Variants in PSME4 observed in about 807,000 individuals in gnomAD.
PSME4 encodes proteasome activator subunit 4, also known as proteasome activator complex subunit 4.
PSME4 carries 89 observed loss-of-function variants against 253.9 expected under a neutral mutation model. The observed-to-expected ratio is 0.35, with a 90% confidence interval of 0.30 to 0.42. The LOEUF is 0.42. Ranked by LOEUF, PSME4 falls within the 10% of genes least tolerant of loss-of-function variation. The probability of loss-of-function intolerance (pLI) is 1.00; values close to 1 mark genes in which losing one functional copy is unlikely to be tolerated. For synonymous variants in PSME4, 851 were observed against 759.2 expected (o/e 1.12, Z -1.99); for missense variants, 2,014 against 2,195.2 (o/e 0.92, Z 1.65).
chr2:53,895,360 C>A (rs1680093577), intron 33 of PSME4, among the ~76,000 whole-genome samples: 1 of 152,120 alleles, frequency 6.6e-6, no homozygotes, highest in African/African-American at 2.4e-5. Flanking sequence ...TTAATAACCT[C>A]CTTAGCCATA....
chr2:53,876,716 CTTTT>C (rs10599430), intron 41 of PSME4, among the ~76,000 whole-genome samples: 127 of 97,832 alleles, frequency 1.3e-3, no homozygotes, highest in Non-Finnish European at 1.9e-3. Context: ...CACTGTCATT[CTTTT>C]TTTTTTTTTT....
Position 53,893,772 on chromosome 2 carries a change from A to C in PSME4, c.3940T>G (p.Ser1314Ala), listed in dbSNP as rs1478182214. ...EAEQIIFDHF[S>A]DPKFVEQLIT... ...AACTGCTCAACAAATTTAGGATCAG[A>C]AAAATGATCAAATATAATCTGTTCT... The change falls in exon 35 of 47, where the codon TCT (serine) becomes GCT (alanine). Residue 1314 changes from serine (S) to alanine (A), a missense_variant. Ser to Ala is a moderately conservative substitution (Grantham distance 99). Coordinates refer to ENST00000404125, the MANE Select transcript of PSME4 (RefSeq NM_014614.3). The C allele has an allele frequency of 2.5e-6, 4 of 1,609,560 alleles. No individual in the cohort carries two copies. The highest frequency in any genetic ancestry group is 3.4e-6 in the Non-Finnish European group (4 of 1,177,804).
chr2:53,942,261 C>T (rs1002413888), intron 3 of PSME4: 6 of 152,424 alleles, frequency 3.9e-5, no homozygotes, highest in African/African-American at 1.4e-4. Flanking sequence ...AGGCTAGATG[C>T]TACTAGACTA....
intron 29 of PSME4, among the ~76,000 whole-genome samples, chr2:53,899,676 G>C (rs574945414): frequency 1.3e-3 from 192 of 151,976 alleles, no homozygotes; most frequent in South Asian, 2.5e-3. Flanking sequence ...AAATTAGCTG[G>C]GTGTGGTGGT....
intron 14 of PSME4, among the ~76,000 whole-genome samples, chr2:53,924,401 T>C (rs1458897339): frequency 6.6e-6 from 1 of 152,214 alleles, no homozygotes; most frequent in African/African-American, 2.4e-5. Flanking sequence ...AAATAAAGTG[T>C]AGTCTTAAAG....
In PSME4 at chr2:53,944,460, G is replaced by T. The variant is rs1042022020; in HGVS notation, c.500+3961C>A. ...CAGGTGTGGGCTACCATGCCCAGCCGAATTTTGTTAAAATTTTAAATTTCC... is the reference window on the plus strand; with the variant it reads ...CAGGTGTGGGCTACCATGCCCAGCCTAATTTTGTTAAAATTTTAAATTTCC... On this transcript the variant is annotated intron_variant, in intron 3 of 46. Transcript: ENST00000404125. 3.3e-5 allele frequency among the ~76,000 whole-genome samples: 5 copies of T among 151,928 alleles called. No homozygotes were observed. The South Asian group carries it at 1.0e-3, about 31-fold the overall frequency.
intron 1 of PSME4, among the ~76,000 whole-genome samples, chr2:53,959,575 G>A (rs968965627): frequency 2.6e-5 from 4 of 152,022 alleles, no homozygotes; most frequent in Non-Finnish European, 5.9e-5. Flanking sequence ...TCTTTCCAAG[G>A]TTTCACCATA....
At chr2:53,873,094 G>T (rs1020090489) in intron 43 of PSME4, among the ~76,000 whole-genome samples, 1 of 151,776 alleles carries the variant, frequency 6.6e-6, no homozygotes, top group African/African-American at 2.4e-5. Context: ...CAAAAAATTA[G>T]CCAGGCATGG....
Position 53,897,843 on chromosome 2 carries a change from A to G in PSME4, c.3606+27T>C, listed in dbSNP as rs753874754. The G allele has an allele frequency of 1.9e-6, 3 of 1,608,178 alleles. No individual in the cohort carries two copies. The East Asian group carries it at 6.7e-5, about 36-fold the overall frequency. On this transcript the variant is annotated intron_variant, in intron 31 of 46. Transcript: ENST00000404125. The stretch of plus-strand genomic sequence containing the variant: ...GGTCACGTACATATTCTCAAACCCA[A>G]GACTGTAGCTAAAACAAGGTATGTA...
intron 41 of PSME4, among the ~76,000 whole-genome samples, chr2:53,884,768 G>A (rs1679560865): frequency 3.3e-5 from 5 of 152,144 alleles, no homozygotes; most frequent in Admixed American, 3.3e-4. Flanking sequence ...AGGTAAGAAG[G>A]ACCTATATAC....
chr2:53,933,861 G>A (rs1668976525), intron 8 of PSME4, among the ~76,000 whole-genome samples: 1 of 152,160 alleles, frequency 6.6e-6, no homozygotes, highest in Non-Finnish European at 1.5e-5. Flanking sequence ...TGCTCCTACT[G>A]ATTAAGAAAA....
intron 4 of PSME4, among the ~76,000 whole-genome samples, chr2:53,938,474 CT>C (rs772903727): frequency 0.012 from 1,534 of 132,636 alleles, 4 homozygotes; most frequent in Non-Finnish European, 0.012. Flanking sequence ...CCTTAATGGG[CT>C]TTTTTTTTTT....
At chr2:53,953,853 GTGAT>G (rs1670111255) in intron 1 of PSME4, among the ~76,000 whole-genome samples, 1 of 152,148 alleles carries the variant, frequency 6.6e-6, no homozygotes, top group African/African-American at 2.4e-5. Flanking sequence ...ACGATTGAAC[GTGAT>G]TGATATAGAA....
At position 53,949,198 on chromosome 2, in the gene PSME4, T is replaced by C; in HGVS notation, c.328A>G (p.Lys110Glu). ...KLLYELVSIP[K>E]LEISMMQGFA... ...CCCTGCATCATGCTGATTTCCAGTT[T>C]TGGAATTGATACCAGCTCATACAAT... The change falls in exon 2 of 47, where the codon AAA becomes GAA. Residue 110 changes from lysine to glutamate, a missense_variant. Physicochemically the swap from Lys to Glu is moderately conservative, Grantham distance 56. Around this residue, in one of 4 missense-constraint regions of PSME4, gnomAD observed 615 missense variants for 594.4 expected, o/e 1.03. Transcript: ENST00000404125. 1 of 1,612,026 alleles carries C rather than the reference T, an allele frequency of 6.2e-7. No homozygotes were observed. Among genetic ancestry groups the C allele is most frequent in the Non-Finnish European group, 8.5e-7 (1 of 1,178,986 alleles).
intron 1 of PSME4, among the ~76,000 whole-genome samples, chr2:53,960,887 C>G (rs954286842): frequency 8.6e-5 from 13 of 151,958 alleles, no homozygotes; most frequent in African/African-American, 3.1e-4. Context: ...GCAGGCGGAT[C>G]ACGTGAGGTG....
intron 3 of PSME4, among the ~76,000 whole-genome samples, chr2:53,941,591 A>G (rs1284809263): frequency 6.6e-6 from 1 of 152,104 alleles, no homozygotes; most frequent in Non-Finnish European, 1.5e-5. Flanking sequence ...GTAATAATAA[A>G]CATTTTATAT....
chr2:53,926,167 T>TC, intron 12 of PSME4, 144 bp from the exon 13 acceptor site: 1 of 599,570 alleles, frequency 1.7e-6, no homozygotes, highest in Non-Finnish European at 2.9e-6. Context: ...ATGCTAGACT[T>TC]CATCTACTAC....
chr2:53,899,299 C>G (rs1680284280), intron 29 of PSME4, among the ~76,000 whole-genome samples: 1 of 151,858 alleles, frequency 6.6e-6, no homozygotes, highest in African/African-American at 2.4e-5. Flanking sequence ...CTCCTTAGCT[C>G]AAGTGATCTT....
At chr2:53,907,708 T>C (rs1451958324) in intron 24 of PSME4, among the ~76,000 whole-genome samples, 1 of 152,204 alleles carries the variant, frequency 6.6e-6, no homozygotes, top group African/African-American at 2.4e-5. Context: ...GTTTACCCTC[T>C]ACAGCCCCTG....
Sources: gnomAD v4.1 joint callset for allele counts (sites outside exome capture counted in the v4.1 genomes callset) on GRCh38, gnomAD v4.1.1 for gene constraint, gnomAD v4.1.1 regional missense constraint, MANE v1.5 for transcripts, NCBI Gene and HGNC (gene_info 2026-07-23, HGNC 2026-07-21) for gene names.